TENM2: variants seen among roughly 807,000 people sequenced by gnomAD.
The protein encoded by TENM2 is teneurin transmembrane protein 2.
A neutral mutation model predicts 245.2 loss-of-function variants in TENM2; 52 were observed. The observed-to-expected ratio is 0.21, with a 90% confidence interval of 0.17 to 0.27. The LOEUF is 0.27. TENM2 is among the 10% of genes least tolerant of loss of function. The pLI, the probability that TENM2 is intolerant of heterozygous loss-of-function variation, is 1.00. For missense variants in TENM2, 3,046 were observed against 3,666.8 expected (o/e 0.83, Z 4.37); for synonymous variants, 1,363 against 1,438.9 (o/e 0.95, Z 1.19).
chr5:167,131,597 G>C, the TENM2 span, among the ~76,000 whole-genome samples: 35 of 152,094 alleles, frequency 2.3e-4, no homozygotes, highest in African/African-American at 8.2e-4. Context: ...TACAGAGCTA[G>C]CATCCATCAA....
rs543833168 is a variant in TENM2, at chr5:167,502,344, A to G, written c.502+126871A>G. Among the ~76,000 whole-genome samples, 131 of 152,316 alleles carry G rather than the reference A, an allele frequency of 8.6e-4. 3 individuals are homozygous for G. The highest frequency in any genetic ancestry group is 3.1e-3 in the African/African-American group (128 of 41,586). On this transcript the variant is annotated intron_variant, in intron 2 of 28. Coordinates refer to ENST00000518659, the Ensembl canonical transcript of TENM2. The stretch of plus-strand genomic sequence containing the variant: ...AATCAGGAACTAATAGAATGAATAG[A>G]TGCAAGAAAACAGCATGCAACAATT...
chr5:167,280,532 G>A (rs1463969321), upstream of TENM2, among the ~76,000 whole-genome samples: 1 of 152,134 alleles, frequency 6.6e-6, no homozygotes, highest in Non-Finnish European at 1.5e-5. Context: ...TTTCCACTTG[G>A]TCTTTGCTTG....
At chr5:167,136,800 T>C in the TENM2 span, among the ~76,000 whole-genome samples, 8 of 152,212 alleles carry the variant, frequency 5.3e-5, no homozygotes, top group African/African-American at 1.9e-4. Flanking sequence ...CATATGATAA[T>C]GGACATATGA....
At chr5:167,096,877 G>A in the TENM2 span, among the ~76,000 whole-genome samples, 1 of 152,152 alleles carries the variant, frequency 6.6e-6, no homozygotes, top group Non-Finnish European at 1.5e-5. Context: ...AACATGTGTA[G>A]ACCTGGCCTA....
At chr5:167,110,591 T>G in the TENM2 span, among the ~76,000 whole-genome samples, 142 of 152,330 alleles carry the variant, frequency 9.3e-4, no homozygotes, top group South Asian at 2.3e-3. Context: ...GTTAATTGAT[T>G]GGGTAGTAAG....
intron 9 of TENM2, among the ~76,000 whole-genome samples, chr5:168,100,241 T>C (rs759703532): frequency 6.6e-6 from 1 of 152,186 alleles, no homozygotes; most frequent in Non-Finnish European, 1.5e-5. Context: ...CAACAGATGC[T>C]GGAGAGGATC....
At chr5:167,733,597 T>C (rs1760588856) in intron 2 of TENM2, among the ~76,000 whole-genome samples, 1 of 152,194 alleles carries the variant, frequency 6.6e-6, no homozygotes, top group African/African-American at 2.4e-5. Flanking sequence ...TGCGCCAGAG[T>C]ACCTATCCCC....
At chr5:167,569,916 A>G (rs1582414547) in intron 2 of TENM2, among the ~76,000 whole-genome samples, 1 of 152,158 alleles carries the variant, frequency 6.6e-6, no homozygotes, top group East Asian at 1.9e-4. Context: ...CCCAGCTCCT[A>G]ATTATGATAC....
intron 2 of TENM2, among the ~76,000 whole-genome samples, chr5:167,411,847 A>G (rs1355756623): frequency 6.7e-6 from 1 of 149,136 alleles, no homozygotes; most frequent in Non-Finnish European, 1.5e-5. Flanking sequence ...CCATCTTTCA[A>G]TTATCATATT....
intron 2 of TENM2, among the ~76,000 whole-genome samples, chr5:167,767,955 G>A (rs1288864061): frequency 6.6e-6 from 1 of 152,108 alleles, no homozygotes; most frequent in African/African-American, 2.4e-5. Context: ...CTGTTGACAT[G>A]TGAATATTTG....
At chr5:167,246,445 T>C in the TENM2 span, among the ~76,000 whole-genome samples, 5 of 152,136 alleles carry the variant, frequency 3.3e-5, no homozygotes, top group Admixed American at 2.0e-4. Context: ...TATATGTATA[T>C]GTATATAAAT....
At chr5:167,932,069 T>G (rs10075943) in intron 3 of TENM2, among the ~76,000 whole-genome samples, 28,918 of 152,168 alleles carry the variant, frequency 0.19, 3,044 homozygotes, top group East Asian at 0.37. Flanking sequence ...TTGAGCTGCC[T>G]AGGTGAACAG....
chr5:168,196,567 T>C (rs1562269080), intron 15 of TENM2, among the ~76,000 whole-genome samples: 1 of 152,198 alleles, frequency 6.6e-6, no homozygotes, highest in Non-Finnish European at 1.5e-5. Flanking sequence ...GTTCAAGTGA[T>C]TCTCCTGCCT....
At chr5:167,593,889 A>T (rs1259505528) in intron 2 of TENM2, among the ~76,000 whole-genome samples, 2 of 152,188 alleles carry the variant, frequency 1.3e-5, no homozygotes, top group African/African-American at 4.8e-5. Flanking sequence ...CCCTCGCCTC[A>T]GTGAAATATC....
intron 5 of TENM2, among the ~76,000 whole-genome samples, chr5:168,005,193 A>T (rs561973743): frequency 2.8e-4 from 43 of 152,338 alleles, no homozygotes; most frequent in African/African-American, 1.0e-3. Flanking sequence ...GGCTTGTTTT[A>T]TGCCAAAGGT....
intron 2 of TENM2, among the ~76,000 whole-genome samples, chr5:167,683,908 T>A (rs1356844160): frequency 1.3e-5 from 2 of 152,186 alleles, no homozygotes; most frequent in Admixed American, 6.5e-5. Flanking sequence ...AGTACTTGCA[T>A]AAAAGGAATG....
chr5:167,881,273 G>C (rs1773854528), intron 3 of TENM2, among the ~76,000 whole-genome samples: 3 of 152,172 alleles, frequency 2.0e-5, no homozygotes. Flanking sequence ...GTACAGTGCT[G>C]ATAATACTAT....
chr5:167,283,084 G>GT (rs1157950598), upstream of TENM2, among the ~76,000 whole-genome samples: 5 of 150,902 alleles, frequency 3.3e-5, no homozygotes, highest in Non-Finnish European at 4.4e-5. Context: ...CACACTTGTT[G>GT]TCCAGGCTGG....
chr5:167,634,499 G>A (rs1582605796), intron 2 of TENM2, among the ~76,000 whole-genome samples: 1 of 145,538 alleles, frequency 6.9e-6, no homozygotes, highest in East Asian at 2.0e-4. Context: ...TTTTTTGAGA[G>A]AGAGACTCAG....
Sources: gnomAD v4.1 joint callset for allele counts (sites outside exome capture counted in the v4.1 genomes callset) on GRCh38, gnomAD v4.1.1 for gene constraint, MANE v1.5 for transcripts, NCBI Gene and HGNC (gene_info 2026-07-23, HGNC 2026-07-21) for gene names.